Variants in SYNE2 observed in about 807,000 individuals in gnomAD.
SYNE2 encodes the protein spectrin repeat containing nuclear envelope protein 2.
Under a neutral mutation model 856.3 loss-of-function variants are expected in SYNE2, and 431 were observed. The ratio of observed to expected loss-of-function variants is 0.50; its 90% CI spans 0.47 to 0.55. The LOEUF is 0.55. Among genes scored for constraint, SYNE2 ranks in the 20% least tolerant of loss-of-function variants. The pLI is 0.00. For missense variants in SYNE2, 8,129 were observed against 8,023.2 expected (o/e 1.01, Z -0.50); for synonymous variants, 2,923 against 2,872.3 (o/e 1.02, Z -0.56).
intron 1 of SYNE2, among the ~76,000 whole-genome samples, chr14:63,905,508 G>A (rs896283480): frequency 9.9e-5 from 15 of 151,986 alleles, no homozygotes; most frequent in African/African-American, 3.6e-4. Context: ...TTCTCCTTGA[G>A]ATCTTTCACC....
At chr14:63,927,200 C>T (rs752345690) in intron 2 of SYNE2, among the ~76,000 whole-genome samples, 10 of 152,102 alleles carry the variant, frequency 6.6e-5, no homozygotes, top group East Asian at 3.9e-4. Flanking sequence ...ATTGGAATGG[C>T]GCAGGCAGAC....
intron 11 of SYNE2, among the ~76,000 whole-genome samples, chr14:63,972,597 A>G (rs1358728218): frequency 6.6e-6 from 1 of 152,236 alleles, no homozygotes; most frequent in Non-Finnish European, 1.5e-5. Context: ...AAATAGCAAC[A>G]TTATGTTATT....
rs766418680 is a variant in SYNE2 at position 64,202,795 on chromosome 14, G to T, written c.18039-6G>T. ...TTTCGTTTTGTTTTTCTGCAAATAT[G>T]TGTAGGGTGAAGAAGCTGAAGGAGA... On this transcript the variant is annotated splice_region_variant and splice_polypyrimidine_tract_variant and intron_variant, in intron 99 of 115. Coordinates refer to ENST00000555002, the MANE Select transcript of SYNE2 (RefSeq NM_182914.3). 6.2e-7 allele frequency: 1 copy of T among 1,614,052 alleles called. No individual in the cohort carries two copies. The highest frequency in any genetic ancestry group is 8.5e-7 in the Non-Finnish European group (1 of 1,180,002).
chr14:64,038,177 G>C (rs1297631936), intron 45 of SYNE2, among the ~76,000 whole-genome samples: 24 of 151,914 alleles, frequency 1.6e-4, no homozygotes, highest in African/African-American at 5.8e-4. Flanking sequence ...CGGCGGGGCA[G>C]AGACGCTCCC....
At chr14:63,985,390 T>C (rs2096617995) in intron 18 of SYNE2, among the ~76,000 whole-genome samples, 1 of 152,008 alleles carries the variant, frequency 6.6e-6, no homozygotes, top group Non-Finnish European at 1.5e-5. Flanking sequence ...CATTATAATT[T>C]GTCAATATAT....
Position 63,924,832 on chromosome 14 carries a change from GTGTTTTT to G in SYNE2, c.79+15607_79+15613del, listed in dbSNP as rs1310308007. Among the ~76,000 whole-genome samples, 320 of 92,836 alleles carry G rather than the reference GTGTTTTT, an allele frequency of 3.4e-3. 30 individuals are homozygous for G. Among genetic ancestry groups the G allele is most frequent in the Non-Finnish European group, 4.4e-3 (216 of 49,582 alleles). 60.9% of individuals were successfully genotyped at this position (92,836 alleles called of 152,430 possible). A position where few individuals can be genotyped will look rare whatever the true frequency, so the allele number is the denominator to read the frequency against. ...TTTAACTTTTTTCCTTCCAGCCTTG[GTGTTTTT>G]TTTTTTTTTTTTTTTTTTTTTTTTG... On this transcript the variant is annotated intron_variant, in intron 2 of 115. Transcript: ENST00000555002.
chr14:63,820,087 A>G (rs903072396), intron 1 of SYNE2, among the ~76,000 whole-genome samples: 3 of 152,180 alleles, frequency 2.0e-5, no homozygotes, highest in African/African-American at 4.8e-5. Context: ...ACTGAAGACC[A>G]TAACATTTAT....
Position 64,031,114 on chromosome 14 carries a change from G to A in SYNE2, c.6978G>A (p.Lys2326=), listed in dbSNP as rs780503192. Residue 2326 remains lysine (K), a synonymous_variant, in exon 45 of 116, where the codon AAG becomes AAA. Coordinates refer to ENST00000555002, the MANE Select transcript of SYNE2 (RefSeq NM_182914.3). ...AAAATACATCTTCAGTGGGGCAGAA[G>A]ATTATTAAAGATGATATAAAATCAC... ...VKQNTSSVGQ[K]IIKDDIKSLQ... The A allele has an allele frequency of 3.7e-6, 6 of 1,614,050 alleles. No homozygotes were observed. Among genetic ancestry groups the A allele is most frequent in the Non-Finnish European group, 8.5e-7 (1 of 1,179,964 alleles).
intron 1 of SYNE2, among the ~76,000 whole-genome samples, chr14:63,833,588 G>A (rs1384339408): frequency 4.6e-5 from 7 of 152,254 alleles, no homozygotes; most frequent in Admixed American, 1.3e-4. Context: ...CTGTTTATCC[G>A]TTCCTTGAAT....
At chr14:63,786,014 G>T (rs1400383642) in intron 1 of SYNE2, among the ~76,000 whole-genome samples, 1 of 152,152 alleles carries the variant, frequency 6.6e-6, no homozygotes, top group Non-Finnish European at 1.5e-5. Context: ...ACTTTGGGAG[G>T]CTGAGATGGG....
intron 9 of SYNE2, among the ~76,000 whole-genome samples, chr14:63,962,182 A>G (rs775054549): frequency 6.6e-6 from 1 of 151,628 alleles, no homozygotes; most frequent in South Asian, 2.1e-4. Context: ...CAGCCTCCCA[A>G]GTAGCTGGAA....
At chr14:64,102,827 G>C (rs2097743973) in intron 64 of SYNE2, among the ~76,000 whole-genome samples, 2 of 151,852 alleles carry the variant, frequency 1.3e-5, no homozygotes, top group Non-Finnish European at 2.9e-5. Context: ...CAACAGCCCT[G>C]GTAACCACCA....
intron 1 of SYNE2, among the ~76,000 whole-genome samples, chr14:63,904,662 G>A (rs1390214589): frequency 6.6e-6 from 1 of 151,828 alleles, no homozygotes; most frequent in African/African-American, 2.4e-5. Context: ...TTTTAATGGG[G>A]TTGTCTTTTG....
Position 64,225,993 on chromosome 14 carries a change from G to T in SYNE2, c.*467G>T, listed in dbSNP as rs1020900981. 4 of 250,594 alleles carry T rather than the reference G, an allele frequency of 1.6e-5. No individual in the cohort carries two copies. The highest frequency in any genetic ancestry group is 7.6e-5 in the South Asian group (1 of 13,152). 15.5% of individuals were successfully genotyped at this position (250,594 alleles called of 1,614,324 possible). A position where few individuals can be genotyped will look rare whatever the true frequency, so the allele number is the denominator to read the frequency against. Reference sequence around the variant, plus strand: ...CAATCAATCATATTTAATACGCTTAGAATCAGTTTTACTCCAATCAGCTGG... The same window carrying T: ...CAATCAATCATATTTAATACGCTTATAATCAGTTTTACTCCAATCAGCTGG... On this transcript the variant is annotated 3_prime_UTR_variant, in exon 116 of 116. Transcript: ENST00000555002.
chr14:64,196,999 G>T (rs963419740), intron 99 of SYNE2: 1 of 152,418 alleles, frequency 6.6e-6, no homozygotes, highest in African/African-American at 2.4e-5. Flanking sequence ...AGTGAAGAGG[G>T]CACGCTGGGC....
rs753968257 is a variant in SYNE2 at position 64,052,137 on chromosome 14, T to C, written c.8224T>C (p.Trp2742Arg). ...GAACAAGATGAAAGAGACTATCTTA[T>C]GGGCCAAGAATTTGTTGGGTGAACT... The part of the protein sequence containing the change: ...IRNKMKETIL[W>R]AKNLLGELNP... Residue 2742 changes from tryptophan to arginine, a missense_variant, in exon 48 of 116, where the codon TGG becomes CGG. Coordinates refer to ENST00000555002, the MANE Select transcript of SYNE2 (RefSeq NM_182914.3). The C allele has an allele frequency of 2.5e-6, 4 of 1,614,180 alleles. No individual in the cohort carries two copies. Among genetic ancestry groups the C allele is most frequent in the Non-Finnish European group, 3.4e-6 (4 of 1,180,030 alleles).
chr14:64,157,877 C>T (rs776222947), intron 85 of SYNE2, among the ~76,000 whole-genome samples: 1 of 152,056 alleles, frequency 6.6e-6, no homozygotes, highest in Non-Finnish European at 1.5e-5. Flanking sequence ...TATATATGTT[C>T]TTTGGGGAAA....
At chr14:64,202,077 A>G (rs990541626) in intron 99 of SYNE2, 2 of 658,568 alleles carry the variant, frequency 3.0e-6, no homozygotes, top group South Asian at 3.3e-5. Flanking sequence ...TGTGCTTTCA[A>G]ATCTGCTCCA....
At chr14:64,161,957 A>G in intron 87 of SYNE2, 115 bp from the exon 88 acceptor site, 1 of 1,107,990 alleles carries the variant, frequency 9.0e-7, no homozygotes, top group Non-Finnish European at 1.3e-6. Context: ...ACCATTTAAC[A>G]GTGTCTTCTT....
Sources: gnomAD v4.1 joint callset for allele counts (sites outside exome capture counted in the v4.1 genomes callset) on GRCh38, gnomAD v4.1.1 for gene constraint, MANE v1.5 for transcripts, NCBI Gene and HGNC (gene_info 2026-07-23, HGNC 2026-07-21) for gene names.